PPIL2: variants seen among roughly 807,000 people sequenced by gnomAD.
PPIL2 encodes the protein RING-type E3 ubiquitin-protein ligase PPIL2.
Under a neutral mutation model 75.2 loss-of-function variants are expected in PPIL2, and 50 were observed. The ratio of observed to expected loss-of-function variants is 0.66; its 90% CI spans 0.53 to 0.84. The LOEUF (loss-of-function observed/expected upper bound fraction) is 0.84, where lower values mean the gene tolerates loss of function less well. Ranked by LOEUF, PPIL2 falls within the 40% of genes least tolerant of loss-of-function variation. The pLI, the probability that PPIL2 is intolerant of heterozygous loss-of-function variation, is 0.00. For synonymous variants in PPIL2, 245 were observed against 258.8 expected (o/e 0.95, Z 0.51); for missense variants, 590 against 685.0 (o/e 0.86, Z 1.55).
rs1393922222 is a variant in PPIL2, at chr22:21,685,581, C to G, written c.714+668C>G. On this transcript the variant is annotated intron_variant, in intron 10 of 19. Coordinates refer to ENST00000398831, the MANE Select transcript of PPIL2 (RefSeq NM_014337.4). ...CTTGTTGTCCAGTGTGTCACTCCGTCTAACACACTGCCCTTAGCACTTTGA... is the reference window on the plus strand; with the variant it reads ...CTTGTTGTCCAGTGTGTCACTCCGTGTAACACACTGCCCTTAGCACTTTGA... The G allele has an allele frequency of 9.3e-6, 4 of 432,238 alleles. No homozygotes were observed. The Admixed American group carries it at 1.1e-4, about 12-fold the overall frequency. 26.8% of individuals were successfully genotyped at this position (432,238 alleles called of 1,614,324 possible).
At chr22:21,694,074 C>T (rs764020363) in intron 16 of PPIL2, among the ~76,000 whole-genome samples, 3 of 152,198 alleles carry the variant, frequency 2.0e-5, no homozygotes, top group Admixed American at 6.5e-5. Flanking sequence ...ACCCACCGGG[C>T]TCAGGAGAGG....
chr22:21,690,818 G>A (rs1171024288), intron 15 of PPIL2, among the ~76,000 whole-genome samples: 3 of 152,140 alleles, frequency 2.0e-5, no homozygotes, highest in Admixed American at 2.0e-4. Context: ...AGGACTGTTG[G>A]TTATTTTCAA....
At chr22:21,670,024 G>A in intron 2 of PPIL2, 62 bp downstream of exon 2, 1 of 1,474,932 alleles carries the variant, frequency 6.8e-7, no homozygotes, top group Non-Finnish European at 9.5e-7. Context: ...TGTGTCTTCA[G>A]GATACAGTGA....
chr22:21,694,099 T>A (rs567645552), intron 16 of PPIL2, among the ~76,000 whole-genome samples: 3 of 152,180 alleles, frequency 2.0e-5, no homozygotes, highest in African/African-American at 7.2e-5. Flanking sequence ...AACTCGCCCA[T>A]GTGGCCTGGA....
intron 13 of PPIL2, 108 bp downstream of exon 13, chr22:21,687,840 C>T (rs1348145841): frequency 8.4e-7 from 1 of 1,185,902 alleles, no homozygotes; most frequent in Non-Finnish European, 1.2e-6. Flanking sequence ...CCACGGTGGC[C>T]AGGATGAGTC....
At position 21,681,280 on chromosome 22, in the gene PPIL2, G is replaced by A. The variant is rs761762480; in HGVS notation, c.296-19G>A. 1.9e-6 allele frequency: 3 copies of A among 1,592,452 alleles called. No homozygotes were observed. Among genetic ancestry groups the A allele is most frequent in the Admixed American group, 1.7e-5 (1 of 59,980 alleles). ...GCCCACAGAGGTGACTGGCCTCCCT[G>A]TGTGTGCCTTCTCTCTAGGGAAGTA... is the stretch of plus-strand genomic sequence containing the variant. On this transcript the variant is annotated intron_variant, in intron 6 of 19. Transcript: ENST00000398831.
At chr22:21,692,257 G>A (rs889662891) in intron 15 of PPIL2, among the ~76,000 whole-genome samples, 32 of 151,764 alleles carry the variant, frequency 2.1e-4, no homozygotes, top group East Asian at 3.9e-4. Flanking sequence ...CCAGGTTCAT[G>A]CCATTCTCCT....
Position 21,675,129 on chromosome 22 carries a change from T to A in PPIL2, c.295+14T>A, listed in dbSNP as rs757908215. On this transcript the variant is annotated intron_variant, in intron 6 of 19. Transcript: ENST00000398831. Reference sequence around the variant, plus strand: ...AGAACAGTGAGGGTGAGTGGAACTATCACAGCCAATTCTGGGCTTGACCTG... The same window carrying A: ...AGAACAGTGAGGGTGAGTGGAACTAACACAGCCAATTCTGGGCTTGACCTG... 3 of 1,610,168 alleles carry A rather than the reference T, an allele frequency of 1.9e-6. No homozygotes were observed. In the East Asian group the frequency reaches 6.7e-5, roughly 36 times the overall value.
At position 21,682,431 on chromosome 22, in the gene PPIL2, C is replaced by T; in HGVS notation, c.388-6C>T. ...GCATCGTAAAACCACTTCCTCCTGG[C>T]TATAGGCAGTGGAACAGCTAAATAT... On this transcript the variant is annotated splice_polypyrimidine_tract_variant and splice_region_variant and intron_variant, in intron 7 of 19. Coordinates refer to ENST00000398831, the MANE Select transcript of PPIL2 (RefSeq NM_014337.4). 7 of 1,613,088 alleles carry T rather than the reference C, an allele frequency of 4.3e-6. No individual in the cohort carries two copies. The highest frequency in any genetic ancestry group is 5.9e-6 in the Non-Finnish European group (7 of 1,179,160).
intron 5 of PPIL2, among the ~76,000 whole-genome samples, chr22:21,674,180 C>T (rs1189314595): frequency 6.6e-6 from 1 of 152,166 alleles, no homozygotes; most frequent in Non-Finnish European, 1.5e-5. Context: ...GATTGTGGCC[C>T]TGAGTGAGGT....
chr22:21,688,873 G>C (rs1200283652), intron 15 of PPIL2, 24 bp downstream of exon 15: 1 of 1,607,924 alleles, frequency 6.2e-7, no homozygotes, highest in Admixed American at 1.7e-5. Flanking sequence ...GCTTGCTGGG[G>C]TGGCCTGGGA....
rs985651098 is a variant in PPIL2 at position 21,670,190 on chromosome 22, G to A, written c.82+228G>A. ...AATTTAAAATATTCCCCGATGCTGG[G>A]AGCTAAGTAAAAAATAAATAAGTAA... On this transcript the variant is annotated intron_variant, in intron 2 of 19. Transcript: ENST00000398831. The A allele has an allele frequency of 2.7e-5, 26 of 952,066 alleles. No individual in the cohort carries two copies. In the Admixed American group the frequency reaches 7.5e-4, roughly 28 times the overall value. The allele number at this position is 952,066 out of a possible 1,614,324, so 59.0% of individuals were successfully genotyped here. A position where few individuals can be genotyped will look rare whatever the true frequency, so the allele number is the denominator to read the frequency against.
intron 6 of PPIL2, among the ~76,000 whole-genome samples, chr22:21,675,392 C>T (rs960259067): frequency 7.9e-5 from 12 of 152,150 alleles, no homozygotes; most frequent in Admixed American, 2.0e-4. Context: ...AAAAATTAGC[C>T]GGGCATGGTG....
At position 21,670,027 on chromosome 22, in the gene PPIL2, T is replaced by A. The variant is rs572128698; in HGVS notation, c.82+65T>A. 3.0e-5 allele frequency: 43 copies of A among 1,453,372 alleles called. No homozygotes were observed. In the South Asian group the frequency reaches 4.8e-4, roughly 16 times the overall value. The allele number at this position is 1,453,372 out of a possible 1,614,324, so 90.0% of individuals were successfully genotyped here. A position where few individuals can be genotyped will look rare whatever the true frequency, so the allele number is the denominator to read the frequency against. ...GTATTAAGGAACTGTGTCTTCAGGA[T>A]ACAGTGAGCTGTAAAAATAGACAAC... On this transcript the variant is annotated intron_variant, in intron 2 of 19. Transcript: ENST00000398831.
chr22:21,689,357 TC>T (rs2067523361), intron 15 of PPIL2, among the ~76,000 whole-genome samples: 1 of 150,752 alleles, frequency 6.6e-6, no homozygotes, highest in Non-Finnish European at 1.5e-5. Flanking sequence ...GCCCTTTCCA[TC>T]CCCAGACAGT....
chr22:21,683,059 C>T (rs903100101), intron 8 of PPIL2, 123 bp from the exon 9 acceptor site: 40 of 853,982 alleles, frequency 4.7e-5, no homozygotes, highest in Non-Finnish European at 7.4e-5. Context: ...GCTTGACTCC[C>T]CCAACCTCAG....
At chr22:21,691,063 C>T (rs958954693) in intron 15 of PPIL2, among the ~76,000 whole-genome samples, 2 of 141,434 alleles carry the variant, frequency 1.4e-5, no homozygotes, top group African/African-American at 5.3e-5. Context: ...CTCCTGGGTT[C>T]AAGCGGTTCT....
intron 7 of PPIL2, among the ~76,000 whole-genome samples, chr22:21,681,640 C>T (rs1186115696): frequency 6.6e-6 from 1 of 152,218 alleles, no homozygotes; most frequent in African/African-American, 2.4e-5. Flanking sequence ...AGCAGGGACC[C>T]TTAAACCCCA....
At chr22:21,679,020 C>A (rs1032630860) in intron 6 of PPIL2, among the ~76,000 whole-genome samples, 1 of 151,820 alleles carries the variant, frequency 6.6e-6, no homozygotes, top group African/African-American at 2.4e-5. Flanking sequence ...GCTCAGCCTC[C>A]CGAGTGGCTG....
Sources: allele counts gnomAD v4.1 joint callset (sites outside exome capture counted in the v4.1 genomes callset), GRCh38; gene constraint gnomAD v4.1.1; transcripts MANE v1.5; gene names NCBI Gene and HGNC (gene_info 2026-07-23, HGNC 2026-07-21).